ADCY10: variants seen among roughly 807,000 people sequenced by gnomAD.
ADCY10 encodes adenylate cyclase type 10.
Under a neutral mutation model 183.3 loss-of-function variants are expected in ADCY10, and 156 were observed. That is an observed-to-expected ratio of 0.85 (90% confidence interval 0.75 to 0.97). ADCY10 has a LOEUF of 0.97. Among genes scored for constraint, ADCY10 ranks in the 50% least tolerant of loss-of-function variants. The probability of loss-of-function intolerance (pLI) is 0.00; values close to 1 mark genes in which losing one functional copy is unlikely to be tolerated. For synonymous variants in ADCY10, 645 were observed against 670.0 expected, an observed-to-expected ratio of 0.96 and a Z score of 0.58; for missense variants, 1,745 against 1,934.3, an observed-to-expected ratio of 0.90 and a Z score of 1.84.
rs769019873 is a variant in ADCY10, at chr1:167,901,673, C to T, written c.425G>A (p.Arg142Gln). ...TCTCAAATGCTTACCTATCTTGACT[C>T]GGATGTCTAGGCCTTCTTCCCACTC... ...TQEWEEGLDIRVKIGLAAGHI... is the reference protein window; with the variant it reads ...TQEWEEGLDIQVKIGLAAGHI... The change falls in exon 5 of 33, where the codon CGA (arginine) becomes CAA (glutamine). Residue 142 changes from arginine to glutamine, a missense_variant. Physicochemically the swap from Arg to Gln is conservative, Grantham distance 43. Transcript: ENST00000367851. 2.5e-6 allele frequency: 4 copies of T among 1,614,128 alleles called. No individual in the cohort carries two copies. The highest frequency in any genetic ancestry group is 1.3e-5 in the African/African-American group (1 of 75,028).
At chr1:167,860,202 G>C (rs1042086041) in intron 15 of ADCY10, among the ~76,000 whole-genome samples, 1 of 152,090 alleles carries the variant, frequency 6.6e-6, no homozygotes, top group Non-Finnish European at 1.5e-5. Flanking sequence ...TAGAATCAGT[G>C]GGAGCCCTGA....
chr1:167,813,468 T>TTA (rs1662341815), intron 31 of ADCY10, among the ~76,000 whole-genome samples: 1 of 151,710 alleles, frequency 6.6e-6, no homozygotes, highest in Non-Finnish European at 1.5e-5. Flanking sequence ...ACAAAGTTAA[T>TTA]TACCACCAGG....
At chr1:167,832,961 C>T (rs1366526268) in intron 25 of ADCY10, 26 bp downstream of exon 25, 1 of 1,610,694 alleles carries the variant, frequency 6.2e-7, no homozygotes, top group Non-Finnish European at 8.5e-7. Context: ...ACTAAACAGT[C>T]TGCTCTCCCC....
Position 167,860,903 on chromosome 1 carries a change from A to G in ADCY10, c.1777T>C (p.Tyr593His), listed in dbSNP as rs772678440. The G allele has an allele frequency of 2.5e-6, 4 of 1,614,166 alleles. No homozygotes were observed. Among genetic ancestry groups the G allele is most frequent in the Middle Eastern group, 1.6e-4 (1 of 6,062 alleles). ...KVMTLLDEKFYCLLNDIFHVQ... is the reference protein window; with the variant it reads ...KVMTLLDEKFHCLLNDIFHVQ... ...TGGAAAATGTCATTAAGAAGACAGT[A>G]GAACTTTTCATCCAACAGTGTCATG... The change falls in exon 15 of 33, where the codon TAC (tyrosine) becomes CAC (histidine). Residue 593 changes from tyrosine (Y) to histidine (H), a missense_variant. Physicochemically the swap from Tyr to His is moderately conservative, Grantham distance 83. Transcript: ENST00000367851.
At chr1:167,813,519 G>T (rs1662345675) in intron 31 of ADCY10, among the ~76,000 whole-genome samples, 1 of 151,800 alleles carries the variant, frequency 6.6e-6, no homozygotes, top group African/African-American at 2.4e-5. Flanking sequence ...AAAAAAGAAA[G>T]AAAAGAAAAG....
intron 13 of ADCY10, among the ~76,000 whole-genome samples, chr1:167,871,070 T>TTTTTTTG (rs1414741550): frequency 2.0e-5 from 3 of 152,082 alleles, no homozygotes; most frequent in Non-Finnish European, 4.4e-5. Flanking sequence ...AAAGCTTGTT[T>TTTTTTTG]TTTTTTGTTT....
At chr1:167,862,673 C>T (rs1666367593) in intron 14 of ADCY10, among the ~76,000 whole-genome samples, 1 of 152,200 alleles carries the variant, frequency 6.6e-6, no homozygotes, top group Non-Finnish European at 1.5e-5. Context: ...TGATTGAATA[C>T]ATGAATAAAC....
chr1:167,903,327 G>T (rs1169081218), intron 3 of ADCY10, among the ~76,000 whole-genome samples: 2 of 151,764 alleles, frequency 1.3e-5, no homozygotes, highest in Non-Finnish European at 2.9e-5. Context: ...ACTTTGGGGG[G>T]CTGAGGCAGG....
At chr1:167,902,134 A>G in intron 3 of ADCY10, 80 bp from the exon 4 acceptor site, 1 of 1,339,060 alleles carries the variant, frequency 7.5e-7, no homozygotes, top group South Asian at 1.2e-5. Context: ...TTAGTGGAAT[A>G]GAAACTAGGT....
Position 167,829,346 on chromosome 1 carries a change from A to T in ADCY10, c.3671T>A (p.Leu1224His). 6.2e-7 allele frequency: 1 copy of T among 1,614,192 alleles called. No homozygotes were observed. The highest frequency in any genetic ancestry group is 8.5e-7 in the Non-Finnish European group (1 of 1,179,980). The change falls in exon 26 of 33, where the codon CTT (leucine) becomes CAT (histidine). Residue 1224 changes from leucine (L) to histidine (H), a missense_variant. Leu to His is a moderately conservative substitution (Grantham distance 99, BLOSUM62 -3). Coordinates refer to ENST00000367851, the MANE Select transcript of ADCY10 (RefSeq NM_018417.6). ...GTGGGCATAATACTTGCAGTGAAAA[A>T]GATAACTGTAGCTATAGATGCGCCA... Reference protein sequence around the residue: ...LLWRIYSYSYLFHCKYYAHLA... With the variant: ...LLWRIYSYSYHFHCKYYAHLA...
intron 17 of ADCY10, 150 bp downstream of exon 17, chr1:167,856,015 A>G (rs1013928586): frequency 2.5e-5 from 22 of 869,064 alleles, no homozygotes; most frequent in Non-Finnish European, 3.8e-5. Flanking sequence ...AAGAAAACAG[A>G]AAAAAAGAAA....
intron 1 of ADCY10, among the ~76,000 whole-genome samples, chr1:167,907,034 A>C (rs1438209283): frequency 6.6e-6 from 1 of 152,230 alleles, no homozygotes; most frequent in Non-Finnish European, 1.5e-5. Flanking sequence ...TTGCTAAGAA[A>C]GAATTGAAAT....
chr1:167,863,464 C>A (rs549865514), intron 14 of ADCY10, among the ~76,000 whole-genome samples: 2 of 152,020 alleles, frequency 1.3e-5, no homozygotes, highest in African/African-American at 2.4e-5. Flanking sequence ...GAGCATCAGA[C>A]GAGCTCGGAT....
chr1:167,823,760 C>T (rs140101054), intron 28 of ADCY10, among the ~76,000 whole-genome samples: 97 of 152,314 alleles, frequency 6.4e-4, no homozygotes, highest in Admixed American at 1.7e-3. Context: ...ACTAAAACCT[C>T]AATCTCAAAT....
chr1:167,817,756 C>A (rs1445108596), intron 31 of ADCY10, among the ~76,000 whole-genome samples: 1 of 151,970 alleles, frequency 6.6e-6, no homozygotes. Context: ...CCTTTTAAAT[C>A]GTGATGTGAA....
intron 8 of ADCY10, among the ~76,000 whole-genome samples, chr1:167,886,944 A>G (rs905187319): frequency 6.6e-6 from 1 of 152,240 alleles, no homozygotes; most frequent in African/African-American, 2.4e-5. Context: ...CAGATGAAAA[A>G]ATGTTCATCA....
At chr1:167,858,766 T>C (rs1666086199) in intron 16 of ADCY10, among the ~76,000 whole-genome samples, 1 of 152,168 alleles carries the variant, frequency 6.6e-6, no homozygotes, top group African/African-American at 2.4e-5. Flanking sequence ...TTATTACCAC[T>C]GGGACTTATT....
intron 29 of ADCY10, 71 bp from the exon 30 acceptor site, chr1:167,822,212 C>A (rs1483199034): frequency 9.6e-7 from 1 of 1,043,170 alleles, no homozygotes; most frequent in African/African-American, 1.6e-5. Context: ...TAGTCACTCT[C>A]AGTTGAATTT....
intron 5 of ADCY10, 55 bp downstream of exon 5, chr1:167,901,607 G>A: frequency 6.4e-7 from 1 of 1,553,076 alleles, no homozygotes; most frequent in Non-Finnish European, 8.9e-7. Flanking sequence ...AGATGCCCCA[G>A]GAGTCAAGAC....
Sources: gnomAD v4.1 joint callset for allele counts (sites outside exome capture counted in the v4.1 genomes callset) on GRCh38, gnomAD v4.1.1 for gene constraint, MANE v1.5 for transcripts, NCBI Gene and HGNC (gene_info 2026-07-23, HGNC 2026-07-21) for gene names.